The following TMEM131L variants were observed in gnomAD, a reference collection of about 807,000 sequenced individuals.
TMEM131L encodes the protein transmembrane protein 131-like.
In TMEM131L, 54 loss-of-function variants were observed where a neutral mutation model predicts 192.2. The observed-to-expected ratio is 0.28, with a 90% confidence interval of 0.23 to 0.35. The LOEUF is 0.35. TMEM131L is among the 10% of genes least tolerant of loss of function. The pLI is 1.00. For missense variants in TMEM131L, 1,888 were observed against 1,972.9 expected (o/e 0.96, Z 0.82); for synonymous variants, 701 against 704.9 (o/e 0.99, Z 0.09).
At chr4:153,622,755 G>A (rs969179751) in intron 28 of TMEM131L, 143 bp from the exon 29 acceptor site, 1 of 770,218 alleles carries the variant, frequency 1.3e-6, no homozygotes, top group Non-Finnish European at 2.2e-6. Flanking sequence ...TAGTTTCCAT[G>A]AACTCCTCCT....
chr4:153,545,290 C>CTTTTTTTT lies in TMEM131L; in HGVS notation c.240-4775_240-4768dup, dbSNP rs59852943. 1.7e-4 allele frequency among the ~76,000 whole-genome samples: 23 copies of CTTTTTTTT among 132,332 alleles called. 1 individual carries two copies. The highest frequency in any genetic ancestry group is 4.5e-4 in the African/African-American group (15 of 33,544). The allele number at this position is 132,332 out of a possible 152,430, so 86.8% of individuals were successfully genotyped here. A position where few individuals can be genotyped will look rare whatever the true frequency, so the allele number is the denominator to read the frequency against. Reference sequence around the variant, plus strand: ...CTCTTGTATCAGCCACTTTTTCAAACTTTTTTTTTTTTTTTGAGATGGAGT... The same window carrying CTTTTTTTT: ...CTCTTGTATCAGCCACTTTTTCAAACTTTTTTTTTTTTTTTTTTTTTTTGAGATGGAGT... On this transcript the variant is annotated intron_variant, in intron 3 of 34. Coordinates refer to ENST00000409959, the MANE Select transcript of TMEM131L (RefSeq NM_001131007.2).
chr4:153,479,023 T>C (rs1341753169), intron 3 of TMEM131L, among the ~76,000 whole-genome samples: 1 of 152,168 alleles, frequency 6.6e-6, no homozygotes, highest in East Asian at 1.9e-4. Flanking sequence ...TCTTAGCATG[T>C]TCCCCAAATG....
At chr4:153,544,293 C>A (rs896202668) in intron 3 of TMEM131L, among the ~76,000 whole-genome samples, 1 of 152,092 alleles carries the variant, frequency 6.6e-6, no homozygotes, top group African/African-American at 2.4e-5. Flanking sequence ...CTATTTTTCA[C>A]TTGTTCGAAA....
At chr4:153,598,136 ATTTC>A (rs1731575978) in intron 20 of TMEM131L, among the ~76,000 whole-genome samples, 1 of 152,126 alleles carries the variant, frequency 6.6e-6, no homozygotes, top group Non-Finnish European at 1.5e-5. Flanking sequence ...CTAAGGCAGA[ATTTC>A]TTACGATTAC....
intron 3 of TMEM131L, among the ~76,000 whole-genome samples, chr4:153,499,050 G>T (rs564712922): frequency 8.5e-5 from 13 of 152,330 alleles, no homozygotes; most frequent in African/African-American, 3.1e-4. Flanking sequence ...GTAGTCTTAC[G>T]TAGAGAACTT....
chr4:153,494,360 A>C (rs1429755350), intron 3 of TMEM131L, among the ~76,000 whole-genome samples: 1 of 152,258 alleles, frequency 6.6e-6, no homozygotes, highest in African/African-American at 2.4e-5. Flanking sequence ...CCAATAGTAC[A>C]TCCATATGGA....
At chr4:153,500,534 G>A (rs182425788) in intron 3 of TMEM131L, among the ~76,000 whole-genome samples, 1 of 152,178 alleles carries the variant, frequency 6.6e-6, no homozygotes, top group African/African-American at 2.4e-5. Flanking sequence ...TGAAGCCCAA[G>A]ATTTCATTAG....
At chr4:153,535,248 C>T (rs909143349) in intron 3 of TMEM131L, among the ~76,000 whole-genome samples, 20 of 152,174 alleles carry the variant, frequency 1.3e-4, no homozygotes, top group East Asian at 9.7e-4. Context: ...AACAACTGAG[C>T]GGAGATGGCT....
At chr4:153,523,107 T>A (rs1169573465) in intron 3 of TMEM131L, among the ~76,000 whole-genome samples, 1 of 152,228 alleles carries the variant, frequency 6.6e-6, no homozygotes, top group African/African-American at 2.4e-5. Context: ...AAAAAAATAG[T>A]TTAAGGCCAT....
At chr4:153,627,761 G>T in intron 31 of TMEM131L, 74 bp downstream of exon 31, 1 of 1,279,668 alleles carries the variant, frequency 7.8e-7, no homozygotes, top group South Asian at 1.2e-5. Context: ...TGATGAGTTT[G>T]AGAAGACAGA....
At chr4:153,491,446 C>T (rs764521849) in intron 3 of TMEM131L, among the ~76,000 whole-genome samples, 3 of 151,550 alleles carry the variant, frequency 2.0e-5, no homozygotes, top group Non-Finnish European at 4.4e-5. Flanking sequence ...ACTAGTCTTT[C>T]GTATTACTGT....
Position 153,602,256 on chromosome 4 carries a change from A to G in TMEM131L, c.2371A>G (p.Asn791Asp), listed in dbSNP as rs1469316290. ...TTCGTCTCTGAAAATTAATGGGTAT[A>G]ACTGCCAAGGTTATGGATTCGAGGT... Reference protein sequence around the residue: ...TVSSLKINGYNCQGYGFEVLD... With the variant: ...TVSSLKINGYDCQGYGFEVLD... Residue 791 changes from asparagine (N) to aspartate (D), a missense_variant, in exon 22 of 35, where the codon AAC becomes GAC. Transcript: ENST00000409959. The G allele has an allele frequency of 1.2e-6, 2 of 1,613,738 alleles. No individual in the cohort carries two copies. The highest frequency in any genetic ancestry group is 1.7e-6 in the Non-Finnish European group (2 of 1,179,936).
At position 153,608,502 on chromosome 4, in the gene TMEM131L, G is replaced by A. The variant is rs555251813; in HGVS notation, c.3419-3750G>A. 1.4e-4 allele frequency among the ~76,000 whole-genome samples: 22 copies of A among 152,284 alleles called. No homozygotes were observed. In the South Asian group the frequency reaches 1.9e-3, roughly 13 times the overall value. The stretch of plus-strand genomic sequence containing the variant: ...GGCTAAAGACAAGCTATGGTTGGCC[G>A]CAGCACTACCAAGGAGAAATAGTGA... On this transcript the variant is annotated intron_variant, in intron 25 of 34. Coordinates refer to ENST00000409959, the MANE Select transcript of TMEM131L (RefSeq NM_001131007.2).
intron 31 of TMEM131L, among the ~76,000 whole-genome samples, chr4:153,631,710 C>T (rs1314153163): frequency 6.6e-6 from 1 of 152,210 alleles, no homozygotes; most frequent in Non-Finnish European, 1.5e-5. Context: ...GTCAACTCTG[C>T]TCAAAACCTT....
intron 3 of TMEM131L, among the ~76,000 whole-genome samples, chr4:153,514,934 C>T (rs1350926215): frequency 6.6e-6 from 1 of 151,976 alleles, no homozygotes; most frequent in Non-Finnish European, 1.5e-5. Flanking sequence ...GCCTCGGCCT[C>T]CCGGATAGCT....
At chr4:153,563,187 C>G (rs1189025422) in intron 7 of TMEM131L, among the ~76,000 whole-genome samples, 4 of 152,146 alleles carry the variant, frequency 2.6e-5, no homozygotes, top group African/African-American at 9.7e-5. Flanking sequence ...ACTCATCCAT[C>G]TGTGAAATGC....
chr4:153,594,873 C>A (rs1445500782), intron 19 of TMEM131L, among the ~76,000 whole-genome samples: 1 of 152,108 alleles, frequency 6.6e-6, no homozygotes, highest in Non-Finnish European at 1.5e-5. Flanking sequence ...AGGAGGTCTT[C>A]AAGGCTATTC....
chr4:153,512,800 G>A (rs1172315668), intron 3 of TMEM131L, among the ~76,000 whole-genome samples: 2 of 152,178 alleles, frequency 1.3e-5, no homozygotes, highest in Non-Finnish European at 2.9e-5. Flanking sequence ...TTTTAGTAGA[G>A]ATGGGGTTTC....
At chr4:153,532,871 T>C (rs1234130911) in intron 3 of TMEM131L, among the ~76,000 whole-genome samples, 1 of 152,180 alleles carries the variant, frequency 6.6e-6, no homozygotes, top group African/African-American at 2.4e-5. Flanking sequence ...GTGACAGATT[T>C]CACTCAGCTA....
Sources: gnomAD v4.1 joint callset for allele counts (sites outside exome capture counted in the v4.1 genomes callset) on GRCh38, gnomAD v4.1.1 for gene constraint, MANE v1.5 for transcripts, NCBI Gene and HGNC (gene_info 2026-07-23, HGNC 2026-07-21) for gene names.